Variants in ITGB6 observed in about 807,000 individuals in gnomAD.
The protein encoded by ITGB6 is integrin beta-6.
A neutral mutation model predicts 84.5 loss-of-function variants in ITGB6; 80 were observed. The ratio of observed to expected loss-of-function variants is 0.95; its 90% CI spans 0.79 to 1.14. The LOEUF (loss-of-function observed/expected upper bound fraction) is 1.14. Among genes scored for constraint, ITGB6 ranks in the 50% most tolerant of loss-of-function variants. The pLI is 0.00. For missense variants in ITGB6, 1,006 were observed against 968.0 expected (o/e 1.04, Z -0.52); for synonymous variants, 383 against 354.9 (o/e 1.08, Z -0.89).
At position 160,199,201 on chromosome 2, in the gene ITGB6, T is replaced by C. The variant is rs558509748; in HGVS notation, c.119A>G (p.Gln40Arg). The C allele has an allele frequency of 5.6e-6, 9 of 1,614,064 alleles. No homozygotes were observed. The South Asian group carries it at 9.9e-5, about 18-fold the overall frequency. ...TCEDCLLIGP[Q>R]CAWCAQENFT... The stretch of plus-strand genomic sequence containing the variant: ...TACCTCCTGAGCACACCAGGCACAC[T>C]GAGGTCCAATAAGCAGGCAGTCTTC... Residue 40 changes from glutamine to arginine, a missense_variant, in exon 2 of 15, where the codon CAG (glutamine) becomes CGG (arginine). Physicochemically the swap from Gln to Arg is conservative, Grantham distance 43. Transcript: ENST00000283249.
Position 160,145,319 on chromosome 2 carries a change from G to T in ITGB6, c.1018-3248C>A, listed in dbSNP as rs112124330. Among the ~76,000 whole-genome samples the T allele has an allele frequency of 8.4e-3, 1,281 of 152,186 alleles. 25 individuals are homozygous for T. Among genetic ancestry groups the T allele is most frequent in the African/African-American group, 0.03 (1,237 of 41,524 alleles). Reference sequence around the variant, plus strand: ...TCTATTATCTATCTGCAGATTAACCGAATTATGGATTTTCCCTGTCCTCCC... The same window carrying T: ...TCTATTATCTATCTGCAGATTAACCTAATTATGGATTTTCCCTGTCCTCCC... On this transcript the variant is annotated intron_variant, in intron 7 of 14. Transcript: ENST00000283249.
At chr2:160,132,117 G>A (rs1683492421) in intron 10 of ITGB6, among the ~76,000 whole-genome samples, 1 of 152,082 alleles carries the variant, frequency 6.6e-6, no homozygotes, top group African/African-American at 2.4e-5. Flanking sequence ...CATGCAATAT[G>A]GGATTCTGCC....
intron 4 of ITGB6, among the ~76,000 whole-genome samples, chr2:160,188,283 C>G (rs1209446930): frequency 6.6e-6 from 1 of 152,112 alleles, no homozygotes; most frequent in Non-Finnish European, 1.5e-5. Context: ...CAAGGGTATA[C>G]TATCTGGACA....
At position 160,199,259 on chromosome 2, in the gene ITGB6, C is replaced by A; in HGVS notation, c.62-1G>T. The A allele has an allele frequency of 6.2e-7, 1 of 1,613,602 alleles. No individual in the cohort carries two copies. Among genetic ancestry groups the A allele is most frequent in the Non-Finnish European group, 8.5e-7 (1 of 1,179,584 alleles). On this transcript the variant is annotated splice_acceptor_variant, in intron 1 of 14. Transcript: ENST00000283249. LOFTEE classifies it high-confidence loss of function. ...TCTGCACCTCCCAGGGCACAGCCAC[C>A]TAGGTTTAGACCCAGCAAGATGCAG...
intron 10 of ITGB6, among the ~76,000 whole-genome samples, chr2:160,127,937 C>G (rs542871960): frequency 1.3e-5 from 2 of 152,254 alleles, no homozygotes; most frequent in African/African-American, 4.8e-5. Context: ...AAGTCTACTT[C>G]CAATGCTTGT....
In ITGB6 at chr2:160,101,630, ATTATC is replaced by A; in HGVS notation, c.*101_*105del. ...ATGACTTATCTGCAGATGTCCTATTATTATCTTAAACCAACCTCATTTTGAAGCAA... is the reference window on the plus strand; with the variant it reads ...ATGACTTATCTGCAGATGTCCTATTATTAAACCAACCTCATTTTGAAGCAA... On this transcript the variant is annotated 3_prime_UTR_variant, in exon 15 of 15. Coordinates refer to ENST00000283249, the MANE Select transcript of ITGB6 (RefSeq NM_000888.5). 4 of 711,066 alleles carry A rather than the reference ATTATC, an allele frequency of 5.6e-6. No homozygotes were observed. The highest frequency in any genetic ancestry group is 3.2e-5 in the South Asian group (2 of 62,674). The allele number at this position is 711,066 out of a possible 1,614,324, so 44.0% of individuals were successfully genotyped here. A position where few individuals can be genotyped will look rare whatever the true frequency, so the allele number is the denominator to read the frequency against.
At chr2:160,121,767 CA>C (rs34688052) in intron 12 of ITGB6, among the ~76,000 whole-genome samples, 2 of 59,520 alleles carry the variant, frequency 3.4e-5, no homozygotes, top group East Asian at 5.1e-4. Flanking sequence ...GGCCTTGTCT[CA>C]AAAAAAAAGA....
rs943658539 is a variant in ITGB6 at position 160,196,323 on chromosome 2, G to A, written c.239C>T (p.Ser80Phe). 3.7e-6 allele frequency: 6 copies of A among 1,613,948 alleles called. No homozygotes were observed. Among genetic ancestry groups the A allele is most frequent in the Non-Finnish European group, 5.1e-6 (6 of 1,180,010 alleles). The change falls in exon 3 of 15, where the codon TCC becomes TTC. Residue 80 changes from serine (S) to phenylalanine (F), a missense_variant. Physicochemically the swap from Ser to Phe is radical, Grantham distance 155. Coordinates refer to ENST00000283249, the MANE Select transcript of ITGB6 (RefSeq NM_000888.5). ...CQLNFIENPVSQVEILKNKPL... is the reference protein window; with the variant it reads ...CQLNFIENPVFQVEILKNKPL... ...CTTATTTTTAAGTATTTCTACTTGG[G>A]AGACAGGGTTTTCGATGAAGTTTAA...
intron 7 of ITGB6, among the ~76,000 whole-genome samples, chr2:160,149,443 T>C (rs907195673): frequency 1.3e-5 from 2 of 152,148 alleles, no homozygotes; most frequent in African/African-American, 4.8e-5. Flanking sequence ...CAAAACCCCA[T>C]CTGTAGGACA....
chr2:160,156,884 CA>C (rs1684642805), intron 7 of ITGB6, among the ~76,000 whole-genome samples: 1 of 152,320 alleles, frequency 6.6e-6, no homozygotes, highest in Middle Eastern at 3.4e-3. Flanking sequence ...CTTGTGATGT[CA>C]TTCTTGACCT....
intron 7 of ITGB6, 138 bp from the exon 8 acceptor site, chr2:160,142,209 CT>C: frequency 1.7e-6 from 1 of 584,192 alleles, no homozygotes; most frequent in Middle Eastern, 2.7e-4. Context: ...ACCTGCTTTT[CT>C]CCTGAAACTG....
At chr2:160,115,511 T>C (rs1282601580) in intron 12 of ITGB6, among the ~76,000 whole-genome samples, 1 of 152,168 alleles carries the variant, frequency 6.6e-6, no homozygotes, top group Non-Finnish European at 1.5e-5. Context: ...AACCCTTCTG[T>C]ACATCAGCAT....
chr2:160,143,349 C>T (rs1684071359), intron 7 of ITGB6, among the ~76,000 whole-genome samples: 1 of 152,138 alleles, frequency 6.6e-6, no homozygotes, highest in Non-Finnish European at 1.5e-5. Context: ...CTTTTGAAAT[C>T]TCCGGAGAGG....
intron 4 of ITGB6, among the ~76,000 whole-genome samples, chr2:160,177,642 T>C (rs578139932): frequency 2.0e-5 from 3 of 152,228 alleles, no homozygotes; most frequent in African/African-American, 7.2e-5. Flanking sequence ...ATTTTGTTCA[T>C]GGTGTTTTTG....
chr2:160,153,257 T>A (rs953037208), intron 7 of ITGB6, among the ~76,000 whole-genome samples: 1 of 152,014 alleles, frequency 6.6e-6, no homozygotes, highest in Non-Finnish European at 1.5e-5. Context: ...CCAATGGAAC[T>A]GAACAGAGGC....
intron 4 of ITGB6, among the ~76,000 whole-genome samples, chr2:160,179,816 G>A (rs1353859665): frequency 2.0e-5 from 3 of 151,318 alleles, no homozygotes; most frequent in South Asian, 2.1e-4. Context: ...AAAATCTTTC[G>A]GCCGGGCAGG....
intron 7 of ITGB6, among the ~76,000 whole-genome samples, chr2:160,151,760 G>A (rs1011891543): frequency 2.7e-4 from 41 of 151,880 alleles, no homozygotes; most frequent in African/African-American, 9.9e-4. Context: ...AATGATAAAC[G>A]GGATATCACC....
At position 160,169,298 on chromosome 2, in the gene ITGB6, T is replaced by C. The variant is rs1189419812; in HGVS notation, c.931A>G (p.Thr311Ala). ...YSMSTVLEYP[T>A]IGQLIDKLVQ... is the part of the protein sequence containing the mutation. ...AGTTTATCAATGAGTTGTCCAATTG[T>C]TGGATATTCCTAAAATTAACATATA... Residue 311 changes from threonine (T) to alanine (A), a missense_variant, in exon 7 of 15, where the codon ACA (threonine) becomes GCA (alanine). By Grantham distance (58) the Thr-to-Ala change is moderately conservative (BLOSUM62 0). Coordinates refer to ENST00000283249, the MANE Select transcript of ITGB6 (RefSeq NM_000888.5). 6.4e-7 allele frequency: 1 copy of C among 1,571,014 alleles called. No homozygotes were observed. The highest frequency in any genetic ancestry group is 1.1e-5 in the South Asian group (1 of 86,980).
intron 2 of ITGB6, among the ~76,000 whole-genome samples, chr2:160,197,382 C>G (rs1297520893): frequency 6.6e-6 from 1 of 152,140 alleles, no homozygotes; most frequent in African/African-American, 2.4e-5. Flanking sequence ...TCTTTCCCAG[C>G]AGAGATGTGG....
Sources: gnomAD v4.1 joint callset for allele counts (sites outside exome capture counted in the v4.1 genomes callset) on GRCh38, gnomAD v4.1.1 for gene constraint, MANE v1.5 for transcripts, NCBI Gene and HGNC (gene_info 2026-07-23, HGNC 2026-07-21) for gene names.